Variants in EDEM3 observed in about 807,000 individuals in gnomAD.
EDEM3 encodes the protein ER degradation enhancing alpha-mannosidase like protein 3.
In EDEM3, 60 loss-of-function variants were observed where a neutral mutation model predicts 110.2. The ratio of observed to expected loss-of-function variants is 0.54; its 90% confidence interval spans 0.44 to 0.67. The LOEUF (loss-of-function observed/expected upper bound fraction) is 0.67, where lower values mean the gene tolerates loss of function less well. Ranked by LOEUF, EDEM3 falls within the 30% of genes least tolerant of loss-of-function variation. The probability of loss-of-function intolerance (pLI) is 0.00; values close to 1 mark genes in which losing one functional copy is unlikely to be tolerated. For synonymous variants in EDEM3, 352 were observed against 382.9 expected (o/e 0.92, Z 0.94); for missense variants, 996 against 1,121.0 (o/e 0.89, Z 1.59).
chr1:184,748,995 C>G (rs1457891929), intron 2 of EDEM3, among the ~76,000 whole-genome samples: 1 of 152,188 alleles, frequency 6.6e-6, no homozygotes, highest in African/African-American at 2.4e-5. Context: ...TGTTGCACAA[C>G]AGATCTCCAG....
Position 184,712,003 on chromosome 1 carries a change from T to G in EDEM3, c.1537-126A>C, listed in dbSNP as rs561234966. On this transcript the variant is annotated intron_variant, in intron 14 of 19. Transcript: ENST00000318130. Reference sequence around the variant, plus strand: ...GTGCAGTGGCGTAATCTCTGCTCACTGTAAGCTCCATCTCCTGGGTTCATG... The same window carrying G: ...GTGCAGTGGCGTAATCTCTGCTCACGGTAAGCTCCATCTCCTGGGTTCATG... The G allele has an allele frequency of 1.2e-5, 8 of 676,678 alleles. No individual in the cohort carries two copies. The South Asian group carries it at 1.4e-4, about 12-fold the overall frequency. 41.9% of individuals were successfully genotyped at this position (676,678 alleles called of 1,614,324 possible). A position where few individuals can be genotyped will look rare whatever the true frequency, so the allele number is the denominator to read the frequency against.
Position 184,706,693 on chromosome 1 carries a change from T to A in EDEM3, c.2153A>T (p.Glu718Val). The change falls in exon 18 of 20, where the codon GAA becomes GTA. Residue 718 changes from glutamate (E) to valine (V), a missense_variant. Coordinates refer to ENST00000318130, the MANE Select transcript of EDEM3 (RefSeq NM_025191.4). Reference protein sequence around the residue: ...LIQRGQCMFAEKARNIQNAGA... With the variant: ...LIQRGQCMFAVKARNIQNAGA... ...AGCATTCTGGATGTTGCGTGCCTTTTCTGCAAACATGCACTGTCCTCTTTG... is the reference window on the plus strand; with the variant it reads ...AGCATTCTGGATGTTGCGTGCCTTTACTGCAAACATGCACTGTCCTCTTTG... 1 of 1,613,760 alleles carries A rather than the reference T, an allele frequency of 6.2e-7. No individual in the cohort carries two copies. The highest frequency in any genetic ancestry group is 8.5e-7 in the Non-Finnish European group (1 of 1,179,748).
chr1:184,736,335 TTTTTG>T (rs1488750251), intron 4 of EDEM3, among the ~76,000 whole-genome samples: 1 of 152,180 alleles, frequency 6.6e-6, no homozygotes, highest in East Asian at 1.9e-4. Flanking sequence ...CCCCAAAGGT[TTTTTG>T]TTTTGTTTTT....
chr1:184,732,464 G>A (rs1005961836), intron 6 of EDEM3, among the ~76,000 whole-genome samples: 1 of 152,112 alleles, frequency 6.6e-6, no homozygotes, highest in Admixed American at 6.5e-5. Context: ...AACTAAAAGA[G>A]TATAATTGGA....
intron 7 of EDEM3, among the ~76,000 whole-genome samples, chr1:184,724,407 G>A (rs1176806131): frequency 6.6e-5 from 10 of 152,232 alleles, no homozygotes; most frequent in Admixed American, 3.3e-4. Context: ...CCAAATATTT[G>A]ATAACAACAA....
At chr1:184,739,393 T>TA (rs923801161) in intron 2 of EDEM3, among the ~76,000 whole-genome samples, 45 of 150,462 alleles carry the variant, frequency 3.0e-4, no homozygotes, top group Middle Eastern at 7.1e-3. Flanking sequence ...ATTTTATCAT[T>TA]AAAATCAATA....
rs376949251 is a variant in EDEM3, at chr1:184,750,518, C to CTTTTTTTT, written c.159-934_159-927dup. 9.2e-4 allele frequency among the ~76,000 whole-genome samples: 134 copies of CTTTTTTTT among 146,426 alleles called. 5 individuals carry two copies. The Middle Eastern group carries it at 0.021, about 23-fold the overall frequency. Reference sequence around the variant, plus strand: ...CTTAACAATTTTTTATTAACTTTTTCTTTTTTTTTTGAGACAGGGTCTCAC... The same window carrying CTTTTTTTT: ...CTTAACAATTTTTTATTAACTTTTTCTTTTTTTTTTTTTTTTTTGAGACAGGGTCTCAC... On this transcript the variant is annotated intron_variant, in intron 1 of 19. Transcript: ENST00000318130.
chr1:184,706,907 T>G (rs1649962368), intron 17 of EDEM3, 99 bp from the exon 18 acceptor site: 2 of 1,228,606 alleles, frequency 1.6e-6, no homozygotes, highest in South Asian at 1.6e-5. Context: ...CTAGAACTCA[T>G]TTCTTTTCTA....
At chr1:184,706,353 C>A (rs1649926424) in intron 18 of EDEM3, among the ~76,000 whole-genome samples, 1 of 152,054 alleles carries the variant, frequency 6.6e-6, no homozygotes, top group African/African-American at 2.4e-5. Flanking sequence ...TCATGGGCAC[C>A]TTTTCTTATC....
rs1649010175 is a variant in EDEM3 at position 184,690,401 on chromosome 1, A to T, written c.*3662T>A. ...CCCCAGAATTCAATCCCCGGAGGAT[A>T]AAATGAGTTTAAAAAAAAAAGGAAA... On this transcript the variant is annotated 3_prime_UTR_variant, in exon 20 of 20. Coordinates refer to ENST00000318130, the MANE Select transcript of EDEM3 (RefSeq NM_025191.4). 8.1e-6 allele frequency: 1 copy of T among 122,890 alleles called. No individual in the cohort carries two copies. The highest frequency in any genetic ancestry group is 3.0e-4 in the South Asian group (1 of 3,360). The allele number at this position is 122,890 out of a possible 1,614,324, so 7.6% of individuals were successfully genotyped here.
At position 184,710,438 on chromosome 1, in the gene EDEM3, G is replaced by C. The variant is rs1482119265; in HGVS notation, c.1801C>G (p.His601Asp). The C allele has an allele frequency of 6.2e-7, 1 of 1,613,942 alleles. No homozygotes were observed. The highest frequency in any genetic ancestry group is 1.7e-5 in the Admixed American group (1 of 59,992). Residue 601 changes from histidine (H) to aspartate (D), a missense_variant, in exon 16 of 20, where the codon CAC becomes GAC. By Grantham distance (81) the His-to-Asp change is moderately conservative (BLOSUM62 -1). Coordinates refer to ENST00000318130, the MANE Select transcript of EDEM3 (RefSeq NM_025191.4). The part of the protein sequence containing the change: ...ILKKMGVSLI[H>D]LKDGRVQLVQ... ...AACTGGACTCTCCCATCTTTGAGGT[G>C]AATCAAACTCACCCCCATCTTCTTC...
chr1:184,750,405 C>G (rs972017505), intron 1 of EDEM3, among the ~76,000 whole-genome samples: 1 of 152,152 alleles, frequency 6.6e-6, no homozygotes, highest in Non-Finnish European at 1.5e-5. Context: ...TAAGCACTCT[C>G]AAGTTCAGGG....
At position 184,711,783 on chromosome 1, in the gene EDEM3, C is replaced by T. The variant is rs1336485908; in HGVS notation, c.1631G>A (p.Ser544Asn). 6.2e-7 allele frequency: 1 copy of T among 1,613,532 alleles called. No individual in the cohort carries two copies. The highest frequency in any genetic ancestry group is 8.5e-7 in the Non-Finnish European group (1 of 1,179,630). Residue 544 changes from serine to asparagine, a missense_variant, in exon 15 of 20, where the codon AGT becomes AAT. Physicochemically the swap from Ser to Asn is conservative, Grantham distance 46. Around this residue, in one of 5 missense-constraint regions of EDEM3, gnomAD observed 138 missense variants for 124.3 expected, o/e 1.11. Transcript: ENST00000318130. ...CACATTTTTCAAGGGCTCACGAATA[C>T]TTTGAGCATACAATGGGTCATTAGG... ...LFPNDPLYAQ[S>N]IREPLKNVVD...
At chr1:184,701,662 G>C (rs1323031767) in intron 19 of EDEM3, 1 of 591,082 alleles carries the variant, frequency 1.7e-6, no homozygotes, top group African/African-American at 2.0e-5. Flanking sequence ...TAGGCAAGAA[G>C]ATCTGAGTTT....
intron 1 of EDEM3, among the ~76,000 whole-genome samples, chr1:184,751,225 G>C (rs1652747747): frequency 6.7e-6 from 1 of 150,246 alleles, no homozygotes; most frequent in Non-Finnish European, 1.5e-5. Flanking sequence ...CTCTTATCCT[G>C]TCCTAAGCAG....
chr1:184,736,963 T>C, intron 4 of EDEM3, 62 bp downstream of exon 4: 2 of 1,309,176 alleles, frequency 1.5e-6, no homozygotes, highest in South Asian at 2.4e-5. Flanking sequence ...GTTATGATCA[T>C]ATTCATAATA....
chr1:184,733,556 G>A (rs565179884), intron 5 of EDEM3, among the ~76,000 whole-genome samples: 2 of 152,150 alleles, frequency 1.3e-5, no homozygotes, highest in Non-Finnish European at 2.9e-5. Flanking sequence ...CTGGCCAGGC[G>A]CAGTGGCTCA....
intron 12 of EDEM3, 107 bp downstream of exon 12, chr1:184,717,433 T>A: frequency 2.6e-6 from 2 of 784,310 alleles, no homozygotes; most frequent in Non-Finnish European, 4.1e-6. Flanking sequence ...CCAATCATTA[T>A]AATATTAAAA....
At chr1:184,715,501 T>A (rs1032165425) in intron 13 of EDEM3, among the ~76,000 whole-genome samples, 1 of 152,170 alleles carries the variant, frequency 6.6e-6, no homozygotes, top group Non-Finnish European at 1.5e-5. Context: ...GTGCAGTGGC[T>A]GGCATACAGT....
Sources: gnomAD v4.1 joint callset for allele counts (sites outside exome capture counted in the v4.1 genomes callset) on GRCh38, gnomAD v4.1.1 for gene constraint, gnomAD v4.1.1 regional missense constraint, MANE v1.5 for transcripts, NCBI Gene and HGNC (gene_info 2026-07-23, HGNC 2026-07-21) for gene names.